The following EPB41L3 variants were observed in gnomAD, a reference collection of about 807,000 sequenced individuals.
EPB41L3 encodes the protein band 4.1-like protein 3.
In EPB41L3, 57 loss-of-function variants were observed where a neutral mutation model predicts 127.1. That is an observed-to-expected ratio of 0.45 (90% CI 0.36 to 0.56). The LOEUF is 0.56. Among genes scored for constraint, EPB41L3 ranks in the 20% least tolerant of loss-of-function variants. The pLI, the probability that EPB41L3 is intolerant of heterozygous loss-of-function variation, is 0.00. For synonymous variants in EPB41L3, 572 were observed against 549.5 expected (o/e 1.04, Z -0.57); for missense variants, 1,273 against 1,372.2 (o/e 0.93, Z 1.14).
intron 5 of EPB41L3, among the ~76,000 whole-genome samples, chr18:5,441,905 T>A (rs1159591463): frequency 2.0e-5 from 3 of 152,216 alleles, no homozygotes; most frequent in Non-Finnish European, 4.4e-5. Context: ...TTGATTGTCT[T>A]GTCCCTTTAG....
chr18:5,514,929 A>T (rs2092692382), intron 1 of EPB41L3, among the ~76,000 whole-genome samples: 1 of 152,208 alleles, frequency 6.6e-6, no homozygotes, highest in Non-Finnish European at 1.5e-5. Flanking sequence ...TGAATAGTCA[A>T]ATATTTTTAA....
intron 16 of EPB41L3, among the ~76,000 whole-genome samples, chr18:5,405,515 A>C (rs895585754): frequency 6.6e-6 from 1 of 152,066 alleles, no homozygotes; most frequent in African/African-American, 2.4e-5. Context: ...GAATCCTCAG[A>C]GTCTTTGGTT....
At chr18:5,594,302 C>T (rs1044548211) in intron 3 of EPB41L3, among the ~76,000 whole-genome samples, 11 of 152,182 alleles carry the variant, frequency 7.2e-5, no homozygotes, top group African/African-American at 2.4e-4. Context: ...CTTCCCGCAA[C>T]ACCCCCGCAA....
At chr18:5,509,866 C>A (rs952587940) in intron 1 of EPB41L3, among the ~76,000 whole-genome samples, 1 of 152,154 alleles carries the variant, frequency 6.6e-6, no homozygotes. Context: ...GAACAAGTTA[C>A]ACATGACAAT....
rs563893788 is a variant in EPB41L3 at position 5,432,301 on chromosome 18, A to G, written c.912+1168T>C. On this transcript the variant is annotated intron_variant, in intron 8 of 22. Coordinates refer to ENST00000341928, the MANE Select transcript of EPB41L3 (RefSeq NM_012307.5). ...GCCAGCTGAAATTCTCTTCATTTCCAGGCCCTAAACCTGACTGTTTAAGAC... is the reference window on the plus strand; with the variant it reads ...GCCAGCTGAAATTCTCTTCATTTCCGGGCCCTAAACCTGACTGTTTAAGAC... Among the ~76,000 whole-genome samples the G allele has an allele frequency of 1.3e-5, 2 of 152,250 alleles. 1 individual carries two copies. The highest frequency in any genetic ancestry group is 4.1e-4 in the South Asian group (2 of 4,820).
chr18:5,548,503 C>A (rs530888392), upstream of EPB41L3, among the ~76,000 whole-genome samples: 7 of 152,268 alleles, frequency 4.6e-5, no homozygotes, highest in Admixed American at 3.3e-4. Context: ...TCCTATTCAT[C>A]AGAATTCCAT....
chr18:5,416,163 GCTAAAAGCCACAT>G lies in EPB41L3; in HGVS notation c.1709_1721del (p.Asp570AlafsTer27). 1 of 1,614,056 alleles carries G rather than the reference GCTAAAAGCCACAT, an allele frequency of 6.2e-7. No homozygotes were observed. Among genetic ancestry groups the G allele is most frequent in the Non-Finnish European group, 8.5e-7 (1 of 1,179,962 alleles). On this transcript the variant is annotated frameshift_variant, in exon 13 of 23. Transcript: ENST00000341928. LOFTEE classifies it high-confidence loss of function. Reference sequence around the variant, plus strand: ...TCCCCTTGCCAGTTTGCTGTCTGTAGCTAAAAGCCACATCTTGATCCCCTAGGTAAGGCCTCCC... The same window carrying G: ...TCCCCTTGCCAGTTTGCTGTCTGTAGCTTGATCCCCTAGGTAAGGCCTCCC...
chr18:5,597,174 A>G (rs16948484), intron 3 of EPB41L3, among the ~76,000 whole-genome samples: 1,966 of 152,104 alleles, frequency 0.013, 33 homozygotes, highest in African/African-American at 0.04. Flanking sequence ...TTTGTTCCTA[A>G]TCTCCCCCTC....
intron 3 of EPB41L3, among the ~76,000 whole-genome samples, chr18:5,450,221 G>A (rs2082103970): frequency 6.6e-6 from 1 of 152,080 alleles, no homozygotes; most frequent in African/African-American, 2.4e-5. Context: ...GGGATGTGGG[G>A]GACAGTGAAA....
At chr18:5,435,383 C>A (rs943318995) in intron 6 of EPB41L3, among the ~76,000 whole-genome samples, 7 of 152,162 alleles carry the variant, frequency 4.6e-5, no homozygotes, top group Admixed American at 1.3e-4. Flanking sequence ...CCGTCCTGCA[C>A]GCGCCATTCA....
At chr18:5,422,039 A>G (rs2077537887) in intron 11 of EPB41L3, among the ~76,000 whole-genome samples, 1 of 152,188 alleles carries the variant, frequency 6.6e-6, no homozygotes, top group African/African-American at 2.4e-5. Flanking sequence ...TTACCTATGT[A>G]ACAAGAGTGC....
intron 13 of EPB41L3, among the ~76,000 whole-genome samples, chr18:5,411,487 T>C (rs2076187095): frequency 6.6e-6 from 1 of 152,076 alleles, no homozygotes; most frequent in Admixed American, 6.5e-5. Context: ...ATGAGAACAG[T>C]AATTTCAGGA....
chr18:5,488,872 G>T, intron 2 of EPB41L3, 129 bp downstream of exon 2: 1 of 1,016,784 alleles, frequency 9.8e-7, no homozygotes, highest in Non-Finnish European at 1.4e-6. Flanking sequence ...ATTTTCATCT[G>T]CCTGGGGCTA....
chr18:5,618,460 G>A (rs1356864822), intron 1 of EPB41L3, among the ~76,000 whole-genome samples: 1 of 152,156 alleles, frequency 6.6e-6, no homozygotes, highest in Non-Finnish European at 1.5e-5. Context: ...ATAGCTTAGC[G>A]ACATTGCTCA....
chr18:5,512,403 T>C (rs1373403431), intron 1 of EPB41L3, among the ~76,000 whole-genome samples: 1 of 151,808 alleles, frequency 6.6e-6, no homozygotes, highest in Non-Finnish European at 1.5e-5. Context: ...GAAGAAAGAG[T>C]GTCTTTGTTT....
At chr18:5,455,707 C>T (rs998830903) in intron 3 of EPB41L3, among the ~76,000 whole-genome samples, 3 of 150,418 alleles carry the variant, frequency 2.0e-5, no homozygotes, top group African/African-American at 7.4e-5. Context: ...GAGATGTGCA[C>T]TGTGGTAGAT....
chr18:5,499,208 C>T (rs193300765), intron 1 of EPB41L3, among the ~76,000 whole-genome samples: 125 of 152,286 alleles, frequency 8.2e-4, no homozygotes, highest in African/African-American at 2.9e-3. Context: ...GTGAACAACT[C>T]GCCTAAGTCA....
intron 1 of EPB41L3, among the ~76,000 whole-genome samples, chr18:5,495,480 A>G (rs1333956268): frequency 6.6e-6 from 1 of 152,070 alleles, no homozygotes; most frequent in Non-Finnish European, 1.5e-5. Context: ...ACATTCAGAC[A>G]GGTTACCTCA....
chr18:5,622,244 T>C (rs1185494205), intron 1 of EPB41L3, among the ~76,000 whole-genome samples: 1 of 152,224 alleles, frequency 6.6e-6, no homozygotes, highest in Non-Finnish European at 1.5e-5. Flanking sequence ...AATTAAATGT[T>C]AACAAGGTAT....
Sources: allele counts gnomAD v4.1 joint callset (sites outside exome capture counted in the v4.1 genomes callset), GRCh38; gene constraint gnomAD v4.1.1; transcripts MANE v1.5; gene names NCBI Gene and HGNC (gene_info 2026-07-23, HGNC 2026-07-21).